The following GDPD4 variants were observed in gnomAD, a reference collection of about 807,000 sequenced individuals.
GDPD4 encodes glycerophosphodiester phosphodiesterase 6.
A neutral mutation model predicts 67.8 loss-of-function variants in GDPD4; 60 were observed. That is an observed-to-expected ratio of 0.88 (90% CI 0.72 to 1.10). GDPD4 has a LOEUF of 1.10. Ranked by LOEUF, GDPD4 falls within the 50% of genes least tolerant of loss-of-function variation. The pLI, the probability that GDPD4 is intolerant of heterozygous loss-of-function variation, is 0.00. For missense variants in GDPD4, 623 were observed against 613.9 expected (o/e 1.01, Z -0.16); for synonymous variants, 212 against 210.9 (o/e 1.00, Z -0.04).
At chr11:77,284,633 T>C (rs964851049) in intron 3 of GDPD4, among the ~76,000 whole-genome samples, 1 of 152,138 alleles carries the variant, frequency 6.6e-6, no homozygotes, top group Non-Finnish European at 1.5e-5. Context: ...AAGGGATACC[T>C]GTCACTGTGT....
At chr11:77,259,278 C>G (rs1335805367) in intron 10 of GDPD4, among the ~76,000 whole-genome samples, 3 of 152,132 alleles carry the variant, frequency 2.0e-5, no homozygotes, top group South Asian at 2.1e-4. Context: ...CCGTGCCCAG[C>G]CTACACTGAA....
chr11:77,255,628 A>C (rs1958988871), intron 11 of GDPD4, among the ~76,000 whole-genome samples: 1 of 152,130 alleles, frequency 6.6e-6, no homozygotes, highest in Non-Finnish European at 1.5e-5. Flanking sequence ...TGGGAGGCCA[A>C]GGTGGGCAGA....
chr11:77,283,335 T>C (rs982830936), intron 3 of GDPD4, among the ~76,000 whole-genome samples: 20 of 152,314 alleles, frequency 1.3e-4, no homozygotes, highest in African/African-American at 4.6e-4. Flanking sequence ...GTGACCAGTG[T>C]CATTTTGATG....
chr11:77,239,417 C>A (rs889708557), intron 13 of GDPD4, among the ~76,000 whole-genome samples: 1 of 152,130 alleles, frequency 6.6e-6, no homozygotes, highest in African/African-American at 2.4e-5. Context: ...ATGACATGAC[C>A]TTTTATATAG....
intron 10 of GDPD4, among the ~76,000 whole-genome samples, chr11:77,265,771 A>T (rs1323594723): frequency 6.6e-6 from 1 of 152,192 alleles, no homozygotes. Context: ...ACAGAAAAGT[A>T]AATATACAAG....
chr11:77,231,414 A>G (rs1958452050), intron 14 of GDPD4, among the ~76,000 whole-genome samples: 1 of 152,190 alleles, frequency 6.6e-6, no homozygotes, highest in Admixed American at 6.5e-5. Flanking sequence ...AATCTCAATC[A>G]GTCTAACTCT....
intron 11 of GDPD4, among the ~76,000 whole-genome samples, chr11:77,258,054 A>T (rs1027056145): frequency 6.6e-6 from 1 of 152,206 alleles, no homozygotes; most frequent in African/African-American, 2.4e-5. Context: ...AATCAAAAAT[A>T]TATGTCCTAG....
intron 1 of GDPD4, among the ~76,000 whole-genome samples, chr11:77,299,530 CAGTA>C (rs1275886620): frequency 6.6e-6 from 1 of 152,118 alleles, no homozygotes; most frequent in Non-Finnish European, 1.5e-5. Flanking sequence ...CCACATTTAA[CAGTA>C]AGAGTTTATT....
Position 77,294,040 on chromosome 11 carries a change from G to A in GDPD4, c.-253-6620C>T, listed in dbSNP as rs966965171. ...TAGAATTAATAAGTGAGTTTGGCAA[G>A]GTAGAACTAGATGCAAAAATCAAAA... On this transcript the variant is annotated intron_variant, in intron 1 of 16. Transcript: ENST00000315938. 2.0e-5 allele frequency among the ~76,000 whole-genome samples: 3 copies of A among 152,080 alleles called. No homozygotes were observed. The East Asian group carries it at 5.8e-4, about 29-fold the overall frequency.
chr11:77,220,498 G>A (rs1958206176), intron 16 of GDPD4, among the ~76,000 whole-genome samples: 1 of 152,144 alleles, frequency 6.6e-6, no homozygotes. Flanking sequence ...TTTATGTGAT[G>A]GATTACATTT....
rs1565534482 is a variant in GDPD4 at position 77,269,918 on chromosome 11, C to G, written c.443G>C (p.Arg148Thr). 6.3e-7 allele frequency: 1 copy of G among 1,590,928 alleles called. No homozygotes were observed. Among genetic ancestry groups the G allele is most frequent in the Admixed American group, 1.7e-5 (1 of 59,210 alleles). ...RYRMTHSEKK[R>T]LKQCNVITRL... is the part of the protein sequence containing the mutation. ...TGTGATTACATTACATTGCTTGAGTCTTTTTTTCTCAGAATGTGTCATCCT... is the reference window on the plus strand; with the variant it reads ...TGTGATTACATTACATTGCTTGAGTGTTTTTTTCTCAGAATGTGTCATCCT... The change falls in exon 8 of 17, where the codon AGA becomes ACA. Residue 148 changes from arginine to threonine, a missense_variant. Coordinates refer to ENST00000315938, the MANE Select transcript of GDPD4 (RefSeq NM_182833.3).
chr11:77,263,280 G>A (rs1397429392), intron 10 of GDPD4, among the ~76,000 whole-genome samples: 1 of 152,080 alleles, frequency 6.6e-6, no homozygotes, highest in East Asian at 1.9e-4. Flanking sequence ...AAAAGTAATA[G>A]CAATGTATAA....
intron 13 of GDPD4, among the ~76,000 whole-genome samples, 158 bp downstream of exon 13, chr11:77,243,536 G>A (rs1403748577): frequency 1.4e-5 from 2 of 144,580 alleles, no homozygotes; most frequent in Non-Finnish European, 1.5e-5. Flanking sequence ...AGGGAGGGAG[G>A]GAGGGAGGAA....
rs544681226 is a variant in GDPD4, at chr11:77,258,105, A to G, written c.864+281T>C. Among the ~76,000 whole-genome samples, 4 of 152,342 alleles carry G rather than the reference A, an allele frequency of 2.6e-5. No individual in the cohort carries two copies. The South Asian group carries it at 8.3e-4, about 32-fold the overall frequency. On this transcript the variant is annotated intron_variant, in intron 11 of 16. Transcript: ENST00000315938. ...AAAATGTTATGTACATGTTAGCCATACTGTAAAAGCTTATGAAATATTTGG... is the reference window on the plus strand; with the variant it reads ...AAAATGTTATGTACATGTTAGCCATGCTGTAAAAGCTTATGAAATATTTGG...
intron 1 of GDPD4, among the ~76,000 whole-genome samples, chr11:77,296,482 G>A (rs11237162): frequency 0.19 from 28,841 of 150,116 alleles, 3,669 homozygotes; most frequent in Non-Finnish European, 0.27. Context: ...CACTATGCTC[G>A]GATAATTTTT....
At chr11:77,271,091 G>T in intron 7 of GDPD4, 39 bp downstream of exon 7, 2 of 1,404,214 alleles carry the variant, frequency 1.4e-6, no homozygotes, top group East Asian at 2.3e-5. Flanking sequence ...TAAAGCCAGA[G>T]CTGAAGAAAT....
At chr11:77,285,399 G>A (rs1959953136) in intron 2 of GDPD4, among the ~76,000 whole-genome samples, 1 of 152,092 alleles carries the variant, frequency 6.6e-6, no homozygotes, top group South Asian at 2.1e-4. Flanking sequence ...ATGCATTTAT[G>A]TTTTATCTGA....
intron 15 of GDPD4, among the ~76,000 whole-genome samples, chr11:77,228,220 C>T (rs938750669): frequency 6.6e-6 from 1 of 150,896 alleles, no homozygotes; most frequent in Non-Finnish European, 1.5e-5. Flanking sequence ...AGGCATGGGC[C>T]AGGCAGGGTG....
At chr11:77,297,409 G>A (rs1161895267) in intron 1 of GDPD4, among the ~76,000 whole-genome samples, 1 of 151,884 alleles carries the variant, frequency 6.6e-6, no homozygotes, top group African/African-American at 2.4e-5. Flanking sequence ...GGTGGCTGGT[G>A]CCTGTAGTCC....
Sources: allele counts gnomAD v4.1 joint callset (sites outside exome capture counted in the v4.1 genomes callset), GRCh38; gene constraint gnomAD v4.1.1; transcripts MANE v1.5; gene names NCBI Gene and HGNC (gene_info 2026-07-23, HGNC 2026-07-21).